Variants in EFR3A observed in about 807,000 individuals in gnomAD.
EFR3A encodes the protein protein EFR3 homolog A.
A neutral mutation model predicts 104.4 loss-of-function variants in EFR3A; 76 were observed. That is an observed-to-expected ratio of 0.73 (90% CI 0.60 to 0.88). EFR3A has a LOEUF of 0.88. Among genes scored for constraint, EFR3A ranks in the 40% least tolerant of loss-of-function variants. The pLI is 0.00. For synonymous variants in EFR3A, 330 were observed against 330.0 expected (o/e 1.00, Z 0.00); for missense variants, 985 against 1,012.5 (o/e 0.97, Z 0.37).
chr8:132,002,415 G>T, intron 20 of EFR3A, among the ~76,000 whole-genome samples, 188 bp from the exon 21 acceptor site: 1 of 152,072 alleles, frequency 6.6e-6, no homozygotes, highest in Non-Finnish European at 1.5e-5. Context: ...TTGGGTTTTT[G>T]TGTGTGTGTG....
At chr8:131,994,986 T>C (rs1821400892) in intron 18 of EFR3A, among the ~76,000 whole-genome samples, 1 of 152,166 alleles carries the variant, frequency 6.6e-6, no homozygotes, top group Non-Finnish European at 1.5e-5. Flanking sequence ...TTGGCATCAT[T>C]GTCACCCTTT....
At chr8:131,940,443 G>C (rs1222533311) in intron 1 of EFR3A, 56 bp from the exon 2 acceptor site, 2 of 1,484,006 alleles carry the variant, frequency 1.3e-6, no homozygotes, top group African/African-American at 1.4e-5. Context: ...TGAATTTCCA[G>C]GCCTGTTTAC....
At chr8:131,958,601 G>C (rs201336904) in intron 7 of EFR3A, among the ~76,000 whole-genome samples, 3 of 127,484 alleles carry the variant, frequency 2.4e-5, no homozygotes, top group Non-Finnish European at 5.0e-5. Flanking sequence ...TTTTTTTTTT[G>C]TACCATTTCC....
At chr8:131,945,270 T>C (rs976531722) in intron 3 of EFR3A, among the ~76,000 whole-genome samples, 16 of 152,128 alleles carry the variant, frequency 1.1e-4, no homozygotes, top group African/African-American at 3.9e-4. Context: ...GCTTCAGTTT[T>C]ACCTCTCGGA....
chr8:131,916,581 T>C (rs1260661769), intron 1 of EFR3A, among the ~76,000 whole-genome samples: 1 of 152,184 alleles, frequency 6.6e-6, no homozygotes, highest in African/African-American at 2.4e-5. Flanking sequence ...ATAGGTTGTA[T>C]AGAGGCTAAA....
At chr8:131,943,728 C>G (rs867178857) in intron 2 of EFR3A, among the ~76,000 whole-genome samples, 1 of 151,932 alleles carries the variant, frequency 6.6e-6, no homozygotes, top group Admixed American at 6.6e-5. Context: ...TCTATGACAA[C>G]CCATAATGCC....
In EFR3A at chr8:131,907,939, G is replaced by A. The variant is rs569419884; in HGVS notation, c.10+3617G>A. Among the ~76,000 whole-genome samples, 4 of 151,958 alleles carry A rather than the reference G, an allele frequency of 2.6e-5. 1 individual carries two copies. Among genetic ancestry groups the A allele is most frequent in the African/African-American group, 9.7e-5 (4 of 41,436 alleles). On this transcript the variant is annotated intron_variant, in intron 1 of 22. Coordinates refer to ENST00000254624, the MANE Select transcript of EFR3A (RefSeq NM_015137.6). The stretch of plus-strand genomic sequence containing the variant: ...GTGACCTTTGGCTTGACACTGCCCT[G>A]TTTGCTGCCCAGATCTCATCTTTCA...
At chr8:131,959,727 C>T in intron 8 of EFR3A, 64 bp downstream of exon 8, 2 of 1,087,220 alleles carry the variant, frequency 1.8e-6, no homozygotes, top group Non-Finnish European at 2.7e-6. Flanking sequence ...TGGATAAGCA[C>T]ATTATCAAAC....
At chr8:131,968,663 T>G (rs749308416) in intron 9 of EFR3A, among the ~76,000 whole-genome samples, 1 of 152,166 alleles carries the variant, frequency 6.6e-6, no homozygotes, top group Non-Finnish European at 1.5e-5. Flanking sequence ...TAATAAAGGT[T>G]TTTGAGTATT....
Position 131,970,587 on chromosome 8 carries a change from C to G in EFR3A, c.1103C>G (p.Thr368Arg). 1 of 1,613,804 alleles carries G rather than the reference C, an allele frequency of 6.2e-7. No individual in the cohort carries two copies. The highest frequency in any genetic ancestry group is 8.5e-7 in the Non-Finnish European group (1 of 1,179,780). The change falls in exon 10 of 23, where the codon ACA becomes AGA. Residue 368 changes from threonine to arginine, a missense_variant. By Grantham distance (71) the Thr-to-Arg change is moderately conservative. Transcript: ENST00000254624. ...GGSVGSVNLN[T>R]SSKDNDEKIV... The stretch of plus-strand genomic sequence containing the variant: ...TCTGTAGGCAGTGTCAACTTAAATA[C>G]AAGTTCCAAAGACAATGATGAGAAG...
At chr8:131,989,693 A>G (rs1821067913) in intron 18 of EFR3A, among the ~76,000 whole-genome samples, 1 of 152,196 alleles carries the variant, frequency 6.6e-6, no homozygotes, top group African/African-American at 2.4e-5. Context: ...AATGTAATAT[A>G]TATCAAGCAC....
Position 131,974,017 on chromosome 8 carries a change from A to G in EFR3A, c.1160-2010A>G, listed in dbSNP as rs566191910. ...AATTAACATCAGAGATAGTGGACTCAGTTGACCATATACTTGGGAGACAAA... is the reference window on the plus strand; with the variant it reads ...AATTAACATCAGAGATAGTGGACTCGGTTGACCATATACTTGGGAGACAAA... On this transcript the variant is annotated intron_variant, in intron 10 of 22. Transcript: ENST00000254624. Among the ~76,000 whole-genome samples the G allele has an allele frequency of 1.8e-3, 279 of 152,294 alleles. 2 individuals are homozygous for G. Among genetic ancestry groups the G allele is most frequent in the African/African-American group, 6.5e-3 (271 of 41,564 alleles).
chr8:131,915,962 G>A (rs1816725160), intron 1 of EFR3A, among the ~76,000 whole-genome samples: 1 of 152,154 alleles, frequency 6.6e-6, no homozygotes, highest in South Asian at 2.1e-4. Flanking sequence ...CACCAACAGG[G>A]GTGTCGTCCC....
At chr8:131,970,881 C>CAG (rs1820016676) in intron 10 of EFR3A, among the ~76,000 whole-genome samples, 1 of 152,124 alleles carries the variant, frequency 6.6e-6, no homozygotes, top group Non-Finnish European at 1.5e-5. Context: ...TTTACTTCTT[C>CAG]ATTTGCTTTT....
chr8:131,986,311 C>A, intron 17 of EFR3A, 50 bp downstream of exon 17: 1 of 914,892 alleles, frequency 1.1e-6, no homozygotes, highest in Non-Finnish European at 1.7e-6. Flanking sequence ...TTGATAAACC[C>A]ATCAGTAATA....
At chr8:131,995,137 A>G (rs1185918947) in intron 18 of EFR3A, among the ~76,000 whole-genome samples, 2 of 152,142 alleles carry the variant, frequency 1.3e-5, no homozygotes, top group African/African-American at 4.8e-5. Context: ...TAGCATTCAA[A>G]TGGGTGGAGA....
intron 1 of EFR3A, among the ~76,000 whole-genome samples, chr8:131,906,577 A>C (rs1330118205): frequency 6.6e-6 from 1 of 152,210 alleles, no homozygotes; most frequent in East Asian, 1.9e-4. Flanking sequence ...GTTGTTAATA[A>C]CTAGAATCCA....
intron 1 of EFR3A, among the ~76,000 whole-genome samples, chr8:131,921,740 A>C (rs191225875): frequency 6.6e-6 from 1 of 152,138 alleles, no homozygotes; most frequent in Non-Finnish European, 1.5e-5. Context: ...TTTGTATGTT[A>C]CTATTGAGAT....
chr8:131,974,797 TTTA>T (rs1820239129), intron 10 of EFR3A, among the ~76,000 whole-genome samples: 1 of 152,210 alleles, frequency 6.6e-6, no homozygotes, highest in African/African-American at 2.4e-5. Flanking sequence ...GGAAATGACT[TTTA>T]CCCCTAAGTC....
Sources: gnomAD v4.1 joint callset for allele counts (sites outside exome capture counted in the v4.1 genomes callset) on GRCh38, gnomAD v4.1.1 for gene constraint, MANE v1.5 for transcripts, NCBI Gene and HGNC (gene_info 2026-07-23, HGNC 2026-07-21) for gene names.